The following CD36 variants were observed in gnomAD, a reference collection of about 807,000 sequenced individuals.
CD36 encodes CD36 molecule (CD36 blood group).
Under a neutral mutation model 55.2 loss-of-function variants are expected in CD36, and 119 were observed. That is an observed-to-expected ratio of 2.15 (90% CI 1.86 to 2.51). The LOEUF is 2.51. CD36 is among the 30% of genes most tolerant of loss of function. The pLI, the probability that CD36 is intolerant of heterozygous loss-of-function variation, is 0.00. For missense variants in CD36, 819 were observed against 555.5 expected (o/e 1.47, Z -4.77); for synonymous variants, 186 against 193.6 (o/e 0.96, Z 0.33).
At chr7:80,664,031 T>C (rs1373661570) in intron 6 of CD36, among the ~76,000 whole-genome samples, 3 of 152,108 alleles carry the variant, frequency 2.0e-5, no homozygotes, top group Admixed American at 1.3e-4. Context: ...ATTATCATTT[T>C]AGTAACCACT....
chr7:80,660,522 G>A (rs1796435280), intron 4 of CD36, among the ~76,000 whole-genome samples: 1 of 151,992 alleles, frequency 6.6e-6, no homozygotes, highest in South Asian at 2.1e-4. Context: ...ATAAAGTCTC[G>A]TTTGAGTATT....
At chr7:80,618,195 T>A (rs568795963) in intron 1 of CD36, among the ~76,000 whole-genome samples, 1 of 152,264 alleles carries the variant, frequency 6.6e-6, no homozygotes, top group East Asian at 1.9e-4. Flanking sequence ...TTGAGCAATT[T>A]AGCTAACCTC....
chr7:80,643,103 A>C (rs1179848245), intron 1 of CD36, among the ~76,000 whole-genome samples: 1 of 152,122 alleles, frequency 6.6e-6, no homozygotes, highest in Middle Eastern at 3.2e-3. Context: ...ATTGGAGCGC[A>C]TGCACTACTC....
chr7:80,666,442 G>A lies in CD36; in HGVS notation c.702-1G>A. 1 of 1,590,826 alleles carries A rather than the reference G, an allele frequency of 6.3e-7. No homozygotes were observed. The highest frequency in any genetic ancestry group is 1.7e-4 in the Middle Eastern group (1 of 6,008). ...TATTCATTGTCTTTTTCTATTCCTA[G>A]GAATCTGTCCTATTGGGAAAGTCAC... On this transcript the variant is annotated splice_acceptor_variant, in intron 7 of 14. Transcript: ENST00000447544. LOFTEE classifies it high-confidence loss of function.
intron 1 of CD36, among the ~76,000 whole-genome samples, chr7:80,644,344 C>T (rs911749207): frequency 9.9e-5 from 15 of 152,218 alleles, no homozygotes; most frequent in African/African-American, 3.6e-4. Flanking sequence ...ATGTGCATTC[C>T]CTTTACATTG....
In CD36 at chr7:80,661,077, C is replaced by A. The variant is rs772751297; in HGVS notation, c.296C>A (p.Ala99Asp). 6.2e-7 allele frequency: 1 copy of A among 1,613,576 alleles called. No homozygotes were observed. ...GPYTYRVRFLAKENVTQDAED... is the reference protein window; with the variant it reads ...GPYTYRVRFLDKENVTQDAED... The stretch of plus-strand genomic sequence containing the variant: ...TATTTCTTTAGAGTTCGTTTTCTAG[C>A]CAAGGAAAATGTAACCCAGGACGCT... The change falls in exon 5 of 15, where the codon GCC becomes GAC. Residue 99 changes from alanine to aspartate, a missense_variant. Ala to Asp is a moderately radical substitution (Grantham distance 126). Transcript: ENST00000447544.
intron 14 of CD36, among the ~76,000 whole-genome samples, chr7:80,674,593 G>GAAAT (rs1444659822): frequency 6.6e-6 from 1 of 152,002 alleles, no homozygotes; most frequent in Admixed American, 6.6e-5. Context: ...ATAGTATCAG[G>GAAAT]AAATAGGGGA....
At chr7:80,618,189 G>A (rs79819628) in intron 1 of CD36, among the ~76,000 whole-genome samples, 1,815 of 152,170 alleles carry the variant, frequency 0.012, 37 homozygotes, top group African/African-American at 0.041. Flanking sequence ...TTGACTTTGA[G>A]CAATTTAGCT....
chr7:80,673,393 T>G lies in CD36; in HGVS notation c.1238T>G (p.Ile413Ser). ...KNLKRNYIVP[I>S]LWLNETGTIG... ...CTGAAGAGGAACTATATTGTGCCTA[T>G]TCTTTGGCTTAATGAGGTTTGTATT... The change falls in exon 13 of 15, where the codon ATT (isoleucine) becomes AGT (serine). Residue 413 changes from isoleucine (I) to serine (S), a missense_variant. Ile to Ser is a moderately radical substitution (Grantham distance 142). Coordinates refer to ENST00000447544, the MANE Select transcript of CD36 (RefSeq NM_001001548.3). The G allele has an allele frequency of 6.4e-7, 1 of 1,569,392 alleles. No homozygotes were observed. The highest frequency in any genetic ancestry group is 8.8e-7 in the Non-Finnish European group (1 of 1,140,590).
rs374938039 is a variant in CD36, at chr7:80,668,679, A to C, written c.749-1274A>C. The stretch of plus-strand genomic sequence containing the variant: ...AAAGCTTTTCAATGCATTTTTCTTT[A>C]ATTATTAAGGAAATGGAAAAGCAGT... On this transcript the variant is annotated intron_variant, in intron 8 of 14. Coordinates refer to ENST00000447544, the MANE Select transcript of CD36 (RefSeq NM_001001548.3). Among the ~76,000 whole-genome samples, 79 of 152,284 alleles carry C rather than the reference A, an allele frequency of 5.2e-4. No individual in the cohort carries two copies. The South Asian group carries it at 0.016, about 30-fold the overall frequency.
intron 1 of CD36, among the ~76,000 whole-genome samples, chr7:80,610,825 A>G (rs1213194761): frequency 6.6e-6 from 1 of 151,922 alleles, no homozygotes; most frequent in Non-Finnish European, 1.5e-5. Context: ...TGCCTGCTTC[A>G]GCCTCCCAAA....
chr7:80,658,555 C>T (rs375986613), intron 4 of CD36, among the ~76,000 whole-genome samples: 76 of 152,200 alleles, frequency 5.0e-4, no homozygotes, highest in South Asian at 1.0e-3. Context: ...TGCAGTGGCA[C>T]GATCACAGTT....
chr7:80,656,763 C>A, intron 4 of CD36, 63 bp downstream of exon 4: 1 of 1,421,910 alleles, frequency 7.0e-7, no homozygotes, highest in Admixed American at 1.7e-5. Flanking sequence ...GAGAAGTCTT[C>A]TACTTGGCAA....
At chr7:80,660,027 G>T (rs868025223) in intron 4 of CD36, among the ~76,000 whole-genome samples, 1 of 151,934 alleles carries the variant, frequency 6.6e-6, no homozygotes, top group Non-Finnish European at 1.5e-5. Context: ...TACCCTGTAG[G>T]AATTTACATT....
intron 1 of CD36, among the ~76,000 whole-genome samples, chr7:80,644,061 G>C (rs1562789301): frequency 2.0e-5 from 3 of 152,112 alleles, no homozygotes; most frequent in Admixed American, 1.3e-4. Flanking sequence ...TTAAAAGATG[G>C]TTTCAAGAAA....
chr7:80,671,441 A>G (rs1271364448), intron 10 of CD36, among the ~76,000 whole-genome samples: 5 of 152,164 alleles, frequency 3.3e-5, no homozygotes, highest in Non-Finnish European at 5.9e-5. Flanking sequence ...TACAAAATTT[A>G]GTTAAAACCA....
At chr7:80,664,536 G>T (rs1796853635) in intron 7 of CD36, 39 bp downstream of exon 7, 2 of 1,048,948 alleles carry the variant, frequency 1.9e-6, no homozygotes, top group Middle Eastern at 4.1e-4. Flanking sequence ...TGTTACTAGG[G>T]TACTCTTAAG....
At position 80,674,237 on chromosome 7, in the gene CD36, C is replaced by A. The variant is rs1798044569; in HGVS notation, c.*90C>A. 3.3e-6 allele frequency: 3 copies of A among 899,492 alleles called. No individual in the cohort carries two copies. In the African/African-American group the frequency reaches 5.0e-5, roughly 15 times the overall value. 55.7% of individuals were successfully genotyped at this position (899,492 alleles called of 1,614,324 possible). A position where few individuals can be genotyped will look rare whatever the true frequency, so the allele number is the denominator to read the frequency against. Reference sequence around the variant, plus strand: ...ATCAAAGAGAAGTTACATATTAGGCCATATATATTTCTAGACATGTCTAGC... The same window carrying A: ...ATCAAAGAGAAGTTACATATTAGGCAATATATATTTCTAGACATGTCTAGC... On this transcript the variant is annotated intron_variant, in intron 14 of 14. Coordinates refer to ENST00000447544, the MANE Select transcript of CD36 (RefSeq NM_001001548.3).
intron 4 of CD36, 24 bp downstream of exon 4, chr7:80,656,724 A>C: frequency 6.2e-7 from 1 of 1,601,590 alleles, no homozygotes; most frequent in Non-Finnish European, 8.6e-7. Context: ...CACAAATATG[A>C]GACACTCTTA....
Sources: gnomAD v4.1 joint callset for allele counts (sites outside exome capture counted in the v4.1 genomes callset) on GRCh38, gnomAD v4.1.1 for gene constraint, MANE v1.5 for transcripts, NCBI Gene and HGNC (gene_info 2026-07-23, HGNC 2026-07-21) for gene names.